Variants in BRF1 observed in about 807,000 individuals in gnomAD.
BRF1 encodes BRF1 general transcription factor IIIB subunit.
A neutral mutation model predicts 81.7 loss-of-function variants in BRF1; 59 were observed. That is an observed-to-expected ratio of 0.72 (90% CI 0.59 to 0.90). The LOEUF is 0.90. BRF1 is among the 40% of genes least tolerant of loss of function. The probability of loss-of-function intolerance (pLI) is 0.00; values close to 1 mark genes in which losing one functional copy is unlikely to be tolerated. For missense variants in BRF1, 1,050 were observed against 936.3 expected (o/e 1.12, Z -1.58); for synonymous variants, 491 against 395.6 (o/e 1.24, Z -2.86).
At chr14:105,292,861 C>CACACCCCTTCCCCAGGCT (rs1417186384) in intron 1 of BRF1, among the ~76,000 whole-genome samples, 17 of 151,732 alleles carry the variant, frequency 1.1e-4, no homozygotes, top group Non-Finnish European at 8.8e-5. Flanking sequence ...TTCCCCAGGC[C>CACACCCCTTCCCCAGGCT]CACATCCCCT....
chr14:105,218,095 C>T (rs587665817), intron 14 of BRF1, among the ~76,000 whole-genome samples: 2 of 152,320 alleles, frequency 1.3e-5, no homozygotes, highest in South Asian at 2.1e-4. Context: ...CCTGCTGCCC[C>T]TGGGTCCCAC....
At chr14:105,298,806 G>A (rs990606231) in intron 1 of BRF1, among the ~76,000 whole-genome samples, 1 of 151,422 alleles carries the variant, frequency 6.6e-6, no homozygotes, top group Non-Finnish European at 1.5e-5. Flanking sequence ...AGTGAAACGA[G>A]ATTGTGCCAC....
At position 105,210,696 on chromosome 14, in the gene BRF1, C is replaced by G. The variant is rs921608961; in HGVS notation, c.1997-108G>C. On this transcript the variant is annotated intron_variant, in intron 17 of 17. Coordinates refer to ENST00000547530, the MANE Select transcript of BRF1 (RefSeq NM_001519.4). The surrounding 1 kb of genome is among the most constrained non-coding windows in gnomAD (Gnocchi z 4.7). Reference sequence around the variant, plus strand: ...CCCCCCTAGAAGACTCAGGCTCCAGCCCCAGCCCCAGCCCCCCGCGCCCCG... The same window carrying G: ...CCCCCCTAGAAGACTCAGGCTCCAGGCCCAGCCCCAGCCCCCCGCGCCCCG... 2.6e-4 allele frequency: 317 copies of G among 1,233,720 alleles called. No individual in the cohort carries two copies. The African/African-American group carries it at 4.5e-3, about 17-fold the overall frequency. 76.4% of individuals were successfully genotyped at this position (1,233,720 alleles called of 1,614,324 possible).
intron 5 of BRF1, chr14:105,248,005 G>A (rs2055240973): frequency 1.0e-6 from 1 of 985,490 alleles, no homozygotes; most frequent in African/African-American, 1.7e-5. Flanking sequence ...CAAGCTCCAG[G>A]GCTGCAGGCC....
intron 6 of BRF1, 102 bp downstream of exon 6, chr14:105,241,163 G>T (rs1235706561): frequency 6.5e-7 from 1 of 1,530,056 alleles, no homozygotes; most frequent in South Asian, 1.2e-5. Flanking sequence ...AGCTCTCAGT[G>T]CTCTGCAAAC....
rs2056716633 is a variant in BRF1 at position 105,272,838 on chromosome 14, C to T, written c.322G>A (p.Asp108Asn). The change falls in exon 3 of 18, where the codon GAC becomes AAC. Residue 108 changes from aspartate to asparagine, a missense_variant. By Grantham distance (23) the Asp-to-Asn change is conservative. Around this residue, in one of 2 missense-constraint regions of BRF1, gnomAD observed 1,043 missense variants for 915.4 expected, o/e 1.14. Coordinates refer to ENST00000547530, the MANE Select transcript of BRF1 (RefSeq NM_001519.4). The stretch of plus-strand genomic sequence containing the variant: ...ATCTTGAAGAAGTTGAAGGCGGTGT[C>T]CAGGCAGTGCTGGTTCAGCTGCAGC... ...NQLQLNQHCL[D>N]TAFNFFKMAV... is the part of the protein sequence containing the mutation. 4 of 1,614,022 alleles carry T rather than the reference C, an allele frequency of 2.5e-6. No homozygotes were observed. Among genetic ancestry groups the T allele is most frequent in the Non-Finnish European group, 3.4e-6 (4 of 1,179,972 alleles).
At chr14:105,304,170 C>T (rs1454959242), upstream of BRF1, among the ~76,000 whole-genome samples, 8 of 152,160 alleles carry the variant, frequency 5.3e-5, no homozygotes, top group Non-Finnish European at 1.0e-4. Flanking sequence ...GTGGGGAAGA[C>T]CACACCCACA....
chr14:105,249,092 C>T, intron 5 of BRF1: 1 of 1,481,482 alleles, frequency 6.7e-7, no homozygotes, highest in Non-Finnish European at 8.9e-7. Context: ...AGAGGTGAGC[C>T]CGTGCCCCGC....
chr14:105,218,933 A>C, intron 14 of BRF1, 65 bp downstream of exon 14: 1 of 1,603,648 alleles, frequency 6.2e-7, no homozygotes, highest in East Asian at 2.2e-5. Context: ...GACATTCCAG[A>C]GACATTTGCC....
intron 1 of BRF1, among the ~76,000 whole-genome samples, chr14:105,308,844 C>T (rs1405112733): frequency 6.6e-6 from 1 of 151,976 alleles, no homozygotes; most frequent in African/African-American, 2.4e-5. Flanking sequence ...CACAGTGGTT[C>T]ACACTTGTAA....
intron 2 of BRF1, among the ~76,000 whole-genome samples, chr14:105,278,357 G>A (rs1467544860): frequency 6.6e-6 from 1 of 151,374 alleles, no homozygotes; most frequent in Non-Finnish European, 1.5e-5. Flanking sequence ...GCTTGAGCTT[G>A]GAAGGTTGAG....
chr14:105,272,672 C>G (rs61207180), intron 3 of BRF1, 49 bp downstream of exon 3: 1 of 1,537,596 alleles, frequency 6.5e-7, no homozygotes, highest in Admixed American at 2.0e-5. Flanking sequence ...GGGGAGCCAA[C>G]TAAGCATCAA....
rs1186578976 is a variant in BRF1 at position 105,315,243 on chromosome 14, C to G, written c.-162+79G>C. The G allele has an allele frequency of 5.7e-6, 1 of 176,242 alleles. No homozygotes were observed. The highest frequency in any genetic ancestry group is 2.4e-5 in the African/African-American group (1 of 41,888). 10.9% of individuals were successfully genotyped at this position (176,242 alleles called of 1,614,324 possible). A position where few individuals can be genotyped will look rare whatever the true frequency, so the allele number is the denominator to read the frequency against. On this transcript the variant is annotated intron_variant, in intron 1 of 17. Coordinates refer to the BRF1 transcript ENST00000327359. This position sits in a 1 kb window ranked among gnomAD's most constrained non-coding sequence, Gnocchi z 4.4. ...GCCCCAGCCCCCCAGGTCCCGAGCA[C>G]CGGGGGCCGCGCTCAGCTTCCGAGG... is the stretch of plus-strand genomic sequence containing the variant.
At position 105,209,428 on chromosome 14, in the gene BRF1, G is replaced by T; in HGVS notation, c.*1123C>A. 1.5e-6 allele frequency: 1 copy of T among 685,006 alleles called. No homozygotes were observed. The allele number at this position is 685,006 out of a possible 1,614,324, so 42.4% of individuals were successfully genotyped here. A position where few individuals can be genotyped will look rare whatever the true frequency, so the allele number is the denominator to read the frequency against. On this transcript the variant is annotated 3_prime_UTR_variant, in exon 18 of 18. Transcript: ENST00000547530. ...TCTGGCCTGCTGCGGGCCAAGTTGG[G>T]GCAGGACATACAGCCCATTCCATGG...
In BRF1 at chr14:105,249,899, C is replaced by T. The variant is rs372576970; in HGVS notation, c.544+2608G>A. ...GTCCGAAGGCTTCTGTGAGATAGAC[C>T]GGCAGACGCTGGAGATCATTGTCAC... On this transcript the variant is annotated intron_variant, in intron 5 of 17. Coordinates refer to ENST00000547530, the MANE Select transcript of BRF1 (RefSeq NM_001519.4). 58 of 1,611,232 alleles carry T rather than the reference C, an allele frequency of 3.6e-5. No individual in the cohort carries two copies. In the African/African-American group the frequency reaches 6.0e-4, roughly 17 times the overall value.
Position 105,250,269 on chromosome 14 carries a change from G to A in BRF1, c.544+2238C>T, listed in dbSNP as rs775849620. Reference sequence around the variant, plus strand: ...TCTGCCTACCGCAGCAACCAGTGGCGGTACCGCGGGCGCTGCGACAGCATC... The same window carrying A: ...TCTGCCTACCGCAGCAACCAGTGGCAGTACCGCGGGCGCTGCGACAGCATC... On this transcript the variant is annotated intron_variant, in intron 5 of 17. Coordinates refer to ENST00000547530, the MANE Select transcript of BRF1 (RefSeq NM_001519.4). 14 of 1,612,992 alleles carry A rather than the reference G, an allele frequency of 8.7e-6. No individual in the cohort carries two copies. Among genetic ancestry groups the A allele is most frequent in the East Asian group, 2.2e-5 (1 of 44,898 alleles).
At position 105,315,155 on chromosome 14, in the gene BRF1, C is replaced by A; in HGVS notation, c.-162+167G>T. ...CCCCAGCGGAGCCCAGGTCGCCCCC[C>A]GCGCCCCCGCCCGCCGGTTCGACGC... On this transcript the variant is annotated intron_variant, in intron 1 of 17. Coordinates refer to the BRF1 transcript ENST00000327359. The surrounding 1 kb of genome is among the most constrained non-coding windows in gnomAD (Gnocchi z 4.4). 1 of 545,348 alleles carries A rather than the reference C, an allele frequency of 1.8e-6. No homozygotes were observed. The highest frequency in any genetic ancestry group is 7.7e-5 in the South Asian group (1 of 12,986). 33.8% of individuals were successfully genotyped at this position (545,348 alleles called of 1,614,324 possible). A position where few individuals can be genotyped will look rare whatever the true frequency, so the allele number is the denominator to read the frequency against.
At position 105,282,274 on chromosome 14, in the gene BRF1, C is replaced by A. The variant is rs376079229; in HGVS notation, c.265+4022G>T. On this transcript the variant is annotated intron_variant, in intron 2 of 17. Coordinates refer to ENST00000547530, the MANE Select transcript of BRF1 (RefSeq NM_001519.4). ...TGTCCCCAGCAAACCAAAGGAGGGG[C>A]CTGTGACCTCGCAGGGTGCACGGAG... 5.4e-3 allele frequency among the ~76,000 whole-genome samples: 816 copies of A among 152,320 alleles called. 10 individuals are homozygous for A. The highest frequency in any genetic ancestry group is 0.051 in the South Asian group (245 of 4,830).
At position 105,217,610 on chromosome 14, in the gene BRF1, T is replaced by G. The variant is rs769826839; in HGVS notation, c.1706A>C (p.Lys569Thr). 7.4e-6 allele frequency: 12 copies of G among 1,613,450 alleles called. No homozygotes were observed. The highest frequency in any genetic ancestry group is 2.2e-5 in the East Asian group (1 of 44,884). Residue 569 changes from lysine (K) to threonine (T), a missense_variant, in exon 15 of 18, where the codon AAG becomes ACG. By Grantham distance (78) the Lys-to-Thr change is moderately conservative. Coordinates refer to ENST00000547530, the MANE Select transcript of BRF1 (RefSeq NM_001519.4). ...AQPEHSASAR[K>T]LSRRRTPASR... ...GGCCGGCGTCCTCCTTCGTGACAGC[T>G]TCCTGGCACTGGCGCTATGCTCGGG...
Sources: gnomAD v4.1 joint callset for allele counts (sites outside exome capture counted in the v4.1 genomes callset) on GRCh38, gnomAD v4.1.1 for gene constraint, gnomAD v4.1.1 regional missense constraint, Gnocchi (gnomAD v3.1) non-coding constraint, MANE v1.5 for transcripts, NCBI Gene and HGNC (gene_info 2026-07-23, HGNC 2026-07-21) for gene names.